The following ANKS1B variants were observed in gnomAD, a reference collection of about 807,000 sequenced individuals.
ANKS1B encodes the protein ankyrin repeat and sterile alpha motif domain containing 1B, also known as ankyrin repeat and sterile alpha motif domain-containing protein 1B.
Under a neutral mutation model 148.3 loss-of-function variants are expected in ANKS1B, and 36 were observed. The observed-to-expected ratio is 0.24, with a 90% CI of 0.19 to 0.32. The LOEUF (loss-of-function observed/expected upper bound fraction) is 0.32, where lower values mean the gene tolerates loss of function less well. Ranked by LOEUF, ANKS1B falls within the 10% of genes least tolerant of loss-of-function variation. The pLI, the probability that ANKS1B is intolerant of heterozygous loss-of-function variation, is 1.00. For synonymous variants in ANKS1B, 542 were observed against 560.8 expected (o/e 0.97, Z 0.47); for missense variants, 1,157 against 1,542.6 (o/e 0.75, Z 4.19).
intron 9 of ANKS1B, chr12:99,649,754 A>G (rs2098405821): frequency 5.5e-6 from 1 of 182,396 alleles, no homozygotes; most frequent in Non-Finnish European, 1.1e-5. Flanking sequence ...AGCAGTATGA[A>G]TGTGGTGGCT....
At chr12:99,329,145 A>T (rs1245338671) in intron 12 of ANKS1B, among the ~76,000 whole-genome samples, 1 of 151,960 alleles carries the variant, frequency 6.6e-6, no homozygotes, top group Admixed American at 6.6e-5. Context: ...AACTGAAAAA[A>T]GGTTTGGGGT....
chr12:99,207,265 A>C (rs899842540), intron 14 of ANKS1B, among the ~76,000 whole-genome samples: 19 of 152,214 alleles, frequency 1.2e-4, no homozygotes, highest in African/African-American at 4.6e-4. Context: ...GAATGTTAAG[A>C]ATGAGTAAAT....
chr12:98,952,523 G>A (rs938990599), intron 17 of ANKS1B, among the ~76,000 whole-genome samples: 44 of 152,140 alleles, frequency 2.9e-4, no homozygotes, highest in Admixed American at 2.5e-3. Flanking sequence ...ATAAGGACAC[G>A]TCTGTAGGTC....
chr12:99,916,486 C>T (rs897841545), intron 1 of ANKS1B, among the ~76,000 whole-genome samples: 1 of 152,172 alleles, frequency 6.6e-6, no homozygotes, highest in South Asian at 2.1e-4. Flanking sequence ...GACCCACCAA[C>T]TGGTCACGTA....
At chr12:99,203,698 G>A (rs1299382761) in intron 14 of ANKS1B, among the ~76,000 whole-genome samples, 6 of 152,070 alleles carry the variant, frequency 3.9e-5, no homozygotes, top group African/African-American at 4.8e-5. Flanking sequence ...TGATCCACCC[G>A]CCTCAGCCTC....
chr12:99,315,801 C>T (rs938022677), intron 12 of ANKS1B, among the ~76,000 whole-genome samples: 1 of 152,078 alleles, frequency 6.6e-6, no homozygotes, highest in African/African-American at 2.4e-5. Flanking sequence ...GGTATATCTC[C>T]TAATGCTATC....
chr12:99,846,124 T>C (rs1348031900), intron 1 of ANKS1B, among the ~76,000 whole-genome samples: 1 of 152,146 alleles, frequency 6.6e-6, no homozygotes, highest in Non-Finnish European at 1.5e-5. Flanking sequence ...TCATTTTATC[T>C]TGGCTTTATC....
At chr12:99,879,575 G>A (rs1288714146) in intron 1 of ANKS1B, among the ~76,000 whole-genome samples, 1 of 152,114 alleles carries the variant, frequency 6.6e-6, no homozygotes. Context: ...CTCAGATTCT[G>A]CAGGATGAAT....
intron 17 of ANKS1B, among the ~76,000 whole-genome samples, chr12:98,941,515 C>A (rs1040358205): frequency 6.0e-4 from 91 of 152,198 alleles, no homozygotes; most frequent in African/African-American, 2.1e-3. Flanking sequence ...CTGCTCTGAG[C>A]ATGTGCATGC....
intron 15 of ANKS1B, among the ~76,000 whole-genome samples, chr12:99,148,450 T>C (rs1214740078): frequency 6.6e-6 from 1 of 152,048 alleles, no homozygotes; most frequent in Non-Finnish European, 1.5e-5. Context: ...TCTTCTAAGA[T>C]GGTCATCCCT....
chr12:99,744,624 G>A (rs2060418230), intron 8 of ANKS1B, among the ~76,000 whole-genome samples: 1 of 152,138 alleles, frequency 6.6e-6, no homozygotes, highest in Admixed American at 6.6e-5. Flanking sequence ...TTAGCAGCCT[G>A]AATAAATGTT....
intron 9 of ANKS1B, among the ~76,000 whole-genome samples, chr12:99,509,844 T>C (rs898024047): frequency 4.6e-5 from 7 of 152,034 alleles, no homozygotes; most frequent in African/African-American, 1.7e-4. Context: ...AATGCTTGGC[T>C]TCAAACTTTA....
intron 11 of ANKS1B, among the ~76,000 whole-genome samples, chr12:99,433,244 G>C (rs10860439): frequency 0.28 from 42,676 of 151,854 alleles, 7,795 homozygotes; most frequent in African/African-American, 0.52. Context: ...TTGTTCATGA[G>C]AGTCATATCT....
intron 10 of ANKS1B, among the ~76,000 whole-genome samples, chr12:99,500,948 T>A (rs2096649680): frequency 6.6e-6 from 1 of 152,184 alleles, no homozygotes; most frequent in Non-Finnish European, 1.5e-5. Flanking sequence ...TGTGCAACAT[T>A]CTGAAAAATT....
At chr12:99,707,780 A>G (rs900339950) in intron 8 of ANKS1B, among the ~76,000 whole-genome samples, 5 of 152,076 alleles carry the variant, frequency 3.3e-5, no homozygotes, top group Non-Finnish European at 7.4e-5. Flanking sequence ...TCTACCTACC[A>G]GCTCTCATAG....
chr12:99,331,770 G>A (rs1475637162), intron 12 of ANKS1B, among the ~76,000 whole-genome samples: 3 of 152,002 alleles, frequency 2.0e-5, no homozygotes, highest in Non-Finnish European at 4.4e-5. Context: ...TGGGCAATGA[G>A]GCAGAGACTA....
chr12:99,970,733 C>G (rs1245525955), intron 1 of ANKS1B, among the ~76,000 whole-genome samples: 2 of 152,160 alleles, frequency 1.3e-5, no homozygotes, highest in Non-Finnish European at 2.9e-5. Context: ...TGCCCTTTCT[C>G]CAACTTGTCT....
At chr12:99,552,465 C>G (rs966094692) in intron 9 of ANKS1B, among the ~76,000 whole-genome samples, 1 of 152,200 alleles carries the variant, frequency 6.6e-6, no homozygotes, top group African/African-American at 2.4e-5. Context: ...TTCCCACTGT[C>G]TAGCACAGTG....
At chr12:99,397,087 T>C (rs1158006787) in intron 12 of ANKS1B, among the ~76,000 whole-genome samples, 3 of 152,150 alleles carry the variant, frequency 2.0e-5, no homozygotes, top group African/African-American at 7.2e-5. Context: ...ATTTAGTACA[T>C]AGCAGACAAT....
Sources: allele counts gnomAD v4.1 joint callset (sites outside exome capture counted in the v4.1 genomes callset), GRCh38; gene constraint gnomAD v4.1.1; transcripts MANE v1.5; gene names NCBI Gene and HGNC (gene_info 2026-07-23, HGNC 2026-07-21).